UNC13C: variants seen among roughly 807,000 people sequenced by gnomAD.
UNC13C encodes protein unc-13 homolog C.
In UNC13C, 174 loss-of-function variants were observed where a neutral mutation model predicts 245.4. The ratio of observed to expected loss-of-function variants is 0.71; its 90% CI spans 0.63 to 0.80. The LOEUF (loss-of-function observed/expected upper bound fraction) is 0.80, where lower values mean the gene tolerates loss of function less well. Ranked by LOEUF, UNC13C falls within the 30% of genes least tolerant of loss-of-function variation. The pLI is 0.00. For missense variants in UNC13C, 2,829 were observed against 2,602.9 expected (o/e 1.09, Z -1.89); for synonymous variants, 992 against 895.1 (o/e 1.11, Z -1.93).
intron 17 of UNC13C, among the ~76,000 whole-genome samples, chr15:54,357,496 T>G (rs1022739835): frequency 1.3e-5 from 2 of 152,062 alleles, no homozygotes; most frequent in African/African-American, 4.8e-5. Context: ...TATTCTAATA[T>G]TATTTGAAAT....
intron 4 of UNC13C, among the ~76,000 whole-genome samples, chr15:54,169,372 G>A (rs946929477): frequency 6.6e-6 from 1 of 151,958 alleles, no homozygotes; most frequent in African/African-American, 2.4e-5. Context: ...CCTAAATATC[G>A]GATTTTCTCC....
the UNC13C span, among the ~76,000 whole-genome samples, chr15:53,884,182 A>G: frequency 6.6e-6 from 1 of 152,182 alleles, no homozygotes; most frequent in Admixed American, 6.5e-5. Flanking sequence ...CAATCCTGTT[A>G]TCTTTCAAAT....
chr15:54,502,005 C>T (rs1037777605), intron 22 of UNC13C, among the ~76,000 whole-genome samples: 2 of 152,090 alleles, frequency 1.3e-5, no homozygotes, highest in African/African-American at 2.4e-5. Context: ...AAACGCAGAA[C>T]CTTTGGAGAT....
chr15:54,189,260 C>T (rs993890194), intron 4 of UNC13C, among the ~76,000 whole-genome samples: 15 of 152,050 alleles, frequency 9.9e-5, no homozygotes, highest in Non-Finnish European at 2.2e-4. Context: ...ATAAATATTC[C>T]CTGGGCAAAA....
At position 54,052,633 on chromosome 15, in the gene UNC13C, G is replaced by A. The variant is rs573975573; in HGVS notation, c.2983+36747G>A. Among the ~76,000 whole-genome samples, 10 of 152,330 alleles carry A rather than the reference G, an allele frequency of 6.6e-5. No individual in the cohort carries two copies. The South Asian group carries it at 1.4e-3, about 22-fold the overall frequency. On this transcript the variant is annotated intron_variant, in intron 2 of 32. Transcript: ENST00000260323. The stretch of plus-strand genomic sequence containing the variant: ...GGTGTTGAAGTGTTTTATCCACGAA[G>A]AAAGGATGGCTTTCCAGTTGTTAAA...
intron 4 of UNC13C, among the ~76,000 whole-genome samples, chr15:54,207,960 A>G (rs1009794232): frequency 6.6e-6 from 1 of 152,140 alleles, no homozygotes; most frequent in African/African-American, 2.4e-5. Context: ...TATTTTTAGT[A>G]TAAAAGAATA....
chr15:54,486,289 A>ACACACACACACACAC (rs1567319118), intron 19 of UNC13C, among the ~76,000 whole-genome samples: 22 of 149,666 alleles, frequency 1.5e-4, no homozygotes, highest in East Asian at 3.9e-4. Context: ...ACACACACAC[A>ACACACACACACACAC]ATATCAGTGT....
intron 29 of UNC13C, among the ~76,000 whole-genome samples, chr15:54,556,495 G>C (rs1319093006): frequency 6.6e-6 from 1 of 152,026 alleles, no homozygotes; most frequent in African/African-American, 2.4e-5. Flanking sequence ...TTAAAGTTGG[G>C]AGGTGAGAGT....
intron 2 of UNC13C, among the ~76,000 whole-genome samples, chr15:54,046,850 C>A (rs1365058659): frequency 1.3e-5 from 2 of 151,514 alleles, no homozygotes; most frequent in Admixed American, 1.3e-4. Context: ...GCAGAATATT[C>A]CAACATTCCA....
intron 17 of UNC13C, among the ~76,000 whole-genome samples, chr15:54,348,668 T>C (rs2038914679): frequency 6.6e-6 from 1 of 152,196 alleles, no homozygotes; most frequent in Non-Finnish European, 1.5e-5. Context: ...GCTTGTTTTG[T>C]GGATGTATCT....
At chr15:54,080,065 C>T (rs1474823192) in intron 2 of UNC13C, among the ~76,000 whole-genome samples, 5 of 136,456 alleles carry the variant, frequency 3.7e-5, no homozygotes, top group South Asian at 2.4e-4. Context: ...GTTTTGGCAT[C>T]GATTGAGAGG....
At chr15:54,296,828 T>G (rs903431582) in intron 11 of UNC13C, among the ~76,000 whole-genome samples, 10 of 152,304 alleles carry the variant, frequency 6.6e-5, no homozygotes, top group African/African-American at 2.4e-4. Context: ...GTGTTTTGTA[T>G]CTGAAATGGG....
chr15:54,187,595 C>T (rs759745509), intron 4 of UNC13C, among the ~76,000 whole-genome samples: 17 of 152,132 alleles, frequency 1.1e-4, no homozygotes, highest in Admixed American at 2.6e-4. Context: ...TAGCTAACTC[C>T]TCTTCACTGA....
intron 24 of UNC13C, among the ~76,000 whole-genome samples, chr15:54,514,113 C>G (rs751648301): frequency 6.6e-5 from 10 of 152,148 alleles, no homozygotes; most frequent in Non-Finnish European, 1.3e-4. Flanking sequence ...AAATAATAAG[C>G]AGAGTTCTTC....
chr15:53,925,752 T>C, the UNC13C span, among the ~76,000 whole-genome samples: 56 of 152,310 alleles, frequency 3.7e-4, no homozygotes, highest in Non-Finnish European at 2.9e-5. Flanking sequence ...TATTTACCAG[T>C]GACACTAGCT....
At chr15:54,393,243 T>C in intron 18 of UNC13C, 62 bp downstream of exon 18, 1 of 1,383,072 alleles carries the variant, frequency 7.2e-7, no homozygotes, top group Non-Finnish European at 9.5e-7. Flanking sequence ...TAATACATAT[T>C]TTAAGCGCAA....
intron 13 of UNC13C, among the ~76,000 whole-genome samples, chr15:54,301,458 G>A (rs867573180): frequency 6.6e-5 from 10 of 151,806 alleles, no homozygotes; most frequent in African/African-American, 2.4e-4. Context: ...GCCCCAACAG[G>A]CCCCGGTGTG....
the UNC13C span, among the ~76,000 whole-genome samples, chr15:53,852,622 A>T: frequency 6.6e-6 from 1 of 151,998 alleles, no homozygotes; most frequent in Non-Finnish European, 1.5e-5. Context: ...GATCACTCTC[A>T]CCCCTTGCCC....
At chr15:53,987,897 G>T (rs945134318) in intron 1 of UNC13C, among the ~76,000 whole-genome samples, 2 of 151,980 alleles carry the variant, frequency 1.3e-5, no homozygotes, top group African/African-American at 2.4e-5. Flanking sequence ...TAAAACATTT[G>T]GCATCTAGGG....
Sources: gnomAD v4.1 joint callset for allele counts (sites outside exome capture counted in the v4.1 genomes callset) on GRCh38, gnomAD v4.1.1 for gene constraint, MANE v1.5 for transcripts, NCBI Gene and HGNC (gene_info 2026-07-23, HGNC 2026-07-21) for gene names.